LMX1A: variants seen among roughly 807,000 people sequenced by gnomAD.
LMX1A encodes LIM homeobox transcription factor 1-alpha.
In LMX1A, 15 loss-of-function variants were observed where a neutral mutation model predicts 49.1. The ratio of observed to expected loss-of-function variants is 0.31; its 90% CI spans 0.20 to 0.47. The LOEUF (loss-of-function observed/expected upper bound fraction) is 0.47. Ranked by LOEUF, LMX1A falls within the 20% of genes least tolerant of loss-of-function variation. The pLI, the probability that LMX1A is intolerant of heterozygous loss-of-function variation, is 1.00. For synonymous variants in LMX1A, 167 were observed against 185.7 expected (o/e 0.90, Z 0.82); for missense variants, 372 against 475.8 (o/e 0.78, Z 2.03).
intron 4 of LMX1A, among the ~76,000 whole-genome samples, chr1:165,224,067 T>C (rs1041637481): frequency 3.9e-5 from 6 of 152,212 alleles, no homozygotes; most frequent in Non-Finnish European, 8.8e-5. Context: ...CAGTTTCTCA[T>C]GGTTTAACAC....
chr1:165,349,069 G>C (rs765153569), intron 3 of LMX1A, among the ~76,000 whole-genome samples: 8 of 152,182 alleles, frequency 5.3e-5, no homozygotes, highest in Non-Finnish European at 7.3e-5. Flanking sequence ...AGGATGTCCA[G>C]AGCAATCCAA....
chr1:165,303,592 T>C (rs1403423592), intron 3 of LMX1A, among the ~76,000 whole-genome samples: 1 of 152,212 alleles, frequency 6.6e-6, no homozygotes, highest in East Asian at 1.9e-4. Context: ...GGCAGCCCAA[T>C]GACTTGTTCC....
At chr1:165,334,852 C>G (rs1298682579) in intron 3 of LMX1A, among the ~76,000 whole-genome samples, 2 of 150,640 alleles carry the variant, frequency 1.3e-5, no homozygotes, top group African/African-American at 4.8e-5. Flanking sequence ...TGCCCAGTCT[C>G]TGGCCACCGT....
intron 3 of LMX1A, among the ~76,000 whole-genome samples, chr1:165,348,040 G>A (rs1377674264): frequency 2.0e-5 from 3 of 150,506 alleles, no homozygotes; most frequent in Non-Finnish European, 4.5e-5. Flanking sequence ...TAATACAAAT[G>A]TTATAAATAA....
intron 3 of LMX1A, among the ~76,000 whole-genome samples, chr1:165,352,770 C>T (rs966645101): frequency 3.9e-5 from 6 of 152,244 alleles, no homozygotes; most frequent in Non-Finnish European, 7.3e-5. Context: ...CAAAGAGTGG[C>T]CTCTGGAAAC....
intron 3 of LMX1A, among the ~76,000 whole-genome samples, chr1:165,267,633 C>A (rs1033484142): frequency 6.6e-6 from 1 of 152,112 alleles, no homozygotes; most frequent in Admixed American, 6.5e-5. Flanking sequence ...AGTGAGAAGG[C>A]TATTGAAATA....
At chr1:165,310,349 T>C (rs1311580554) in intron 3 of LMX1A, among the ~76,000 whole-genome samples, 1 of 152,168 alleles carries the variant, frequency 6.6e-6, no homozygotes, top group Non-Finnish European at 1.5e-5. Flanking sequence ...AGTGATGAAA[T>C]AAATGAGCAG....
chr1:165,212,368 C>T (rs1381804799), intron 5 of LMX1A, among the ~76,000 whole-genome samples: 1 of 152,188 alleles, frequency 6.6e-6, no homozygotes, highest in Non-Finnish European at 1.5e-5. Flanking sequence ...GAACAACAAG[C>T]CCAGGAGGGG....
chr1:165,351,151 C>G (rs1455123135), intron 3 of LMX1A, among the ~76,000 whole-genome samples: 1 of 149,222 alleles, frequency 6.7e-6, no homozygotes, highest in Non-Finnish European at 1.5e-5. Context: ...GACCCTTAAG[C>G]CTTCTTTGAT....
chr1:165,336,401 C>T (rs1472203880), intron 3 of LMX1A, among the ~76,000 whole-genome samples: 1 of 152,190 alleles, frequency 6.6e-6, no homozygotes, highest in Non-Finnish European at 1.5e-5. Context: ...CAGAAACAGA[C>T]ACAAACAGAC....
At chr1:165,264,904 C>T (rs1197860520) in intron 3 of LMX1A, among the ~76,000 whole-genome samples, 1 of 151,664 alleles carries the variant, frequency 6.6e-6, no homozygotes, top group Non-Finnish European at 1.5e-5. Context: ...AATACCCTGC[C>T]TCGAAATAAA....
chr1:165,283,988 C>T (rs149435665), intron 3 of LMX1A, among the ~76,000 whole-genome samples: 98 of 152,318 alleles, frequency 6.4e-4, no homozygotes, highest in African/African-American at 2.0e-3. Context: ...AAGATACAAA[C>T]TCATTCCCCC....
In LMX1A at chr1:165,202,115, G is replaced by A. The variant is rs2102589037; in HGVS notation, c.*1765C>T. 6.6e-6 allele frequency: 1 copy of A among 152,652 alleles called. No homozygotes were observed. The highest frequency in any genetic ancestry group is 3.4e-3 in the Middle Eastern group (1 of 294). The allele number at this position is 152,652 out of a possible 1,614,324, so 9.5% of individuals were successfully genotyped here. On this transcript the variant is annotated 3_prime_UTR_variant, in exon 9 of 9. Coordinates refer to ENST00000342310, the MANE Select transcript of LMX1A (RefSeq NM_177398.4). The stretch of plus-strand genomic sequence containing the variant: ...CATAGACTCTACCATAAGGGGACAT[G>A]TTCCCTCTGGCCTTGCCAGAGTGAT...
At chr1:165,206,055 C>T in intron 7 of LMX1A, 21 bp from the exon 8 acceptor site, 1 of 1,514,160 alleles carries the variant, frequency 6.6e-7, no homozygotes, top group Non-Finnish European at 8.8e-7. Flanking sequence ...AAGAAGAAGC[C>T]AGGTCATTCT....
Position 165,355,527 on chromosome 1 carries a change from G to T in LMX1A, c.33C>A (p.Phe11Leu). The T allele has an allele frequency of 6.2e-7, 1 of 1,614,024 alleles. No homozygotes were observed. The highest frequency in any genetic ancestry group is 8.5e-7 in the Non-Finnish European group (1 of 1,179,998). MLDGLKMEEN[F>L]QSAIDTSASF... Reference sequence around the variant, plus strand: ...AGGCCGAGGTGTCGATCGCGCTTTGGAAGTTCTCCTCCATCTTTAGGCCGT... The same window carrying T: ...AGGCCGAGGTGTCGATCGCGCTTTGTAAGTTCTCCTCCATCTTTAGGCCGT... Residue 11 changes from phenylalanine (F) to leucine (L), a missense_variant, in exon 2 of 9, where the codon TTC (phenylalanine) becomes TTA (leucine). By Grantham distance (22) the Phe-to-Leu change is conservative. Around this residue, in one of 3 missense-constraint regions of LMX1A, gnomAD observed 199 missense variants for 244.0 expected, o/e 0.82. Coordinates refer to ENST00000342310, the MANE Select transcript of LMX1A (RefSeq NM_177398.4). This position sits in a 1 kb window ranked among gnomAD's most constrained non-coding sequence, Gnocchi z 4.7.
At chr1:165,208,875 C>T (rs1443960836) in intron 6 of LMX1A, among the ~76,000 whole-genome samples, 2 of 152,172 alleles carry the variant, frequency 1.3e-5, no homozygotes, top group African/African-American at 4.8e-5. Flanking sequence ...TCTCGATCTC[C>T]TGATCTCGTG....
At chr1:165,244,969 C>T (rs554878084) in intron 4 of LMX1A, among the ~76,000 whole-genome samples, 6 of 152,202 alleles carry the variant, frequency 3.9e-5, no homozygotes, top group Non-Finnish European at 8.8e-5. Flanking sequence ...CTGGGTCACA[C>T]CAGAAAAGGG....
chr1:165,303,502 C>T lies in LMX1A; in HGVS notation c.263+49574G>A, dbSNP rs192956199. 5.9e-5 allele frequency among the ~76,000 whole-genome samples: 9 copies of T among 152,364 alleles called. No individual in the cohort carries two copies. In the East Asian group the frequency reaches 1.2e-3, roughly 20 times the overall value. Reference sequence around the variant, plus strand: ...CAAGACAGATGAGAAGGGGGAAGTACATTCCTCAGCTGGAAGAGTGGCCAA... The same window carrying T: ...CAAGACAGATGAGAAGGGGGAAGTATATTCCTCAGCTGGAAGAGTGGCCAA... On this transcript the variant is annotated intron_variant, in intron 3 of 8. Coordinates refer to ENST00000342310, the MANE Select transcript of LMX1A (RefSeq NM_177398.4).
chr1:165,307,599 A>C (rs1465259794), intron 3 of LMX1A, among the ~76,000 whole-genome samples: 1 of 152,204 alleles, frequency 6.6e-6, no homozygotes, highest in African/African-American at 2.4e-5. Flanking sequence ...CATGCTATAC[A>C]TATGTGCTGA....
Sources: gnomAD v4.1 joint callset for allele counts (sites outside exome capture counted in the v4.1 genomes callset) on GRCh38, gnomAD v4.1.1 for gene constraint, gnomAD v4.1.1 regional missense constraint, Gnocchi (gnomAD v3.1) non-coding constraint, MANE v1.5 for transcripts, NCBI Gene and HGNC (gene_info 2026-07-23, HGNC 2026-07-21) for gene names.